USP6: variants seen among roughly 807,000 people sequenced by gnomAD.
USP6 encodes ubiquitin specific peptidase 6.
In USP6, 128 loss-of-function variants were observed where a neutral mutation model predicts 175.7. The ratio of observed to expected loss-of-function variants is 0.73; its 90% confidence interval spans 0.63 to 0.84. The LOEUF (loss-of-function observed/expected upper bound fraction) is 0.84. Ranked by LOEUF, USP6 falls within the 40% of genes least tolerant of loss-of-function variation. The pLI, the probability that USP6 is intolerant of heterozygous loss-of-function variation, is 0.00. For synonymous variants in USP6, 562 were observed against 630.6 expected, an observed-to-expected ratio of 0.89 and a Z score of 1.63; for missense variants, 1,498 against 1,760.3, an observed-to-expected ratio of 0.85 and a Z score of 2.67.
intron 15 of USP6, 108 bp downstream of exon 15, chr17:5,134,104 C>A: frequency 1.7e-6 from 2 of 1,207,826 alleles, no homozygotes; most frequent in Non-Finnish European, 2.4e-6. Context: ...GACAGAGCTG[C>A]CAAGAGCTCT....
chr17:5,133,405 C>T (rs1429773799), intron 13 of USP6, 38 bp from the exon 14 acceptor site: 5 of 1,574,452 alleles, frequency 3.2e-6, no homozygotes, highest in South Asian at 2.2e-5. Context: ...CTGGGGTCAC[C>T]CCATGGCCTG....
At chr17:5,152,073 C>T (rs1273924401) in intron 30 of USP6, among the ~76,000 whole-genome samples, 6 of 152,062 alleles carry the variant, frequency 3.9e-5, no homozygotes, top group Non-Finnish European at 8.8e-5. Flanking sequence ...GAAACTCCGT[C>T]TCTACTAAAA....
At chr17:5,129,424 A>T (rs970495586) in intron 8 of USP6, 3 of 152,390 alleles carry the variant, frequency 2.0e-5, no homozygotes, top group African/African-American at 7.2e-5. Context: ...CACTGGACAC[A>T]CACAGTCCCT....
In USP6 at chr17:5,137,760, C is replaced by T. The variant is rs747226549; in HGVS notation, c.925+10C>T. ...CTTAAGGTTCAGCAGAGTAAGTCTACGTGTGCCCAGTGGGGCCTGGGGAGC... is the reference window on the plus strand; with the variant it reads ...CTTAAGGTTCAGCAGAGTAAGTCTATGTGTGCCCAGTGGGGCCTGGGGAGC... On this transcript the variant is annotated intron_variant, in intron 20 of 37. Coordinates refer to ENST00000574788, the MANE Select transcript of USP6 (RefSeq NM_001304284.2). 171 of 1,606,350 alleles carry T rather than the reference C, an allele frequency of 1.1e-4. 1 individual carries two copies. The South Asian group carries it at 1.6e-3, about 15-fold the overall frequency.
Position 5,133,557 on chromosome 17 carries a change from T to C in USP6, c.384+7T>C. ...AAACCCCGGAAGATACCAGGTATGC[T>C]CAGCCAGAGCACAACAAACAGGACA... On this transcript the variant is annotated splice_region_variant and intron_variant, in intron 14 of 37. Coordinates refer to ENST00000574788, the MANE Select transcript of USP6 (RefSeq NM_001304284.2). 6.4e-7 allele frequency: 1 copy of C among 1,564,866 alleles called. No homozygotes were observed. Among genetic ancestry groups the C allele is most frequent in the Non-Finnish European group, 8.7e-7 (1 of 1,151,440 alleles).
At chr17:5,137,828 A>G in intron 20 of USP6, 78 bp downstream of exon 20, 1 of 1,594,646 alleles carries the variant, frequency 6.3e-7, no homozygotes, top group Non-Finnish European at 8.5e-7. Flanking sequence ...GCTTCCTCAC[A>G]CTGTCCTCAT....
At chr17:5,129,678 C>T (rs2072999382) in intron 8 of USP6, 1 of 152,958 alleles carries the variant, frequency 6.5e-6, no homozygotes, top group Admixed American at 6.5e-5. Flanking sequence ...TCATCAGTGA[C>T]CCAGGAAAAT....
chr17:5,174,639 G>A lies in USP6; in HGVS notation c.*1661G>A, dbSNP rs747390954. On this transcript the variant is annotated 3_prime_UTR_variant, in exon 38 of 38. Coordinates refer to ENST00000574788, the MANE Select transcript of USP6 (RefSeq NM_001304284.2). ...ACCTGGACATGTCCCATTAAAAAGT[G>A]GAAGATTTTAAATAATTTCTTTACA... is the stretch of plus-strand genomic sequence containing the variant. 148 of 196,464 alleles carry A rather than the reference G, an allele frequency of 7.5e-4. No homozygotes were observed. Among genetic ancestry groups the A allele is most frequent in the African/African-American group, 3.0e-3 (132 of 43,346 alleles). 12.2% of individuals were successfully genotyped at this position (196,464 alleles called of 1,614,324 possible).
At chr17:5,123,791 C>T (rs1366707418) in intron 4 of USP6, among the ~76,000 whole-genome samples, 1 of 152,180 alleles carries the variant, frequency 6.6e-6, no homozygotes, top group Non-Finnish European at 1.5e-5. Context: ...TCCACTGGCT[C>T]ACACCTGTAG....
chr17:5,142,260 A>C, intron 24 of USP6, 119 bp downstream of exon 24: 1 of 1,533,998 alleles, frequency 6.5e-7, no homozygotes, highest in Non-Finnish European at 8.8e-7. Flanking sequence ...TGCCCTATTT[A>C]ATATGAAATA....
intron 24 of USP6, 103 bp downstream of exon 24, chr17:5,142,244 C>T: frequency 6.5e-7 from 1 of 1,537,372 alleles, no homozygotes; most frequent in Non-Finnish European, 8.7e-7. Context: ...AAGATTTTAT[C>T]TTATTTGCCC....
chr17:5,140,767 AAC>A (rs1053270887), intron 22 of USP6, among the ~76,000 whole-genome samples: 25 of 152,142 alleles, frequency 1.6e-4, no homozygotes, highest in Non-Finnish European at 3.1e-4. Context: ...TGGTCCAGTA[AAC>A]ACACACCTGG....
At chr17:5,158,568 A>G (rs2073934101) in intron 31 of USP6, among the ~76,000 whole-genome samples, 1 of 144,084 alleles carries the variant, frequency 6.9e-6, no homozygotes, top group Non-Finnish European at 1.5e-5. Context: ...CTCTGTCTCA[A>G]AAGAGAGAGA....
chr17:5,131,000 C>T lies in USP6; in HGVS notation c.155+316C>T, dbSNP rs556195139. On this transcript the variant is annotated intron_variant, in intron 11 of 37. Coordinates refer to ENST00000574788, the MANE Select transcript of USP6 (RefSeq NM_001304284.2). Reference sequence around the variant, plus strand: ...AGCCTGAGGTTCTGGTCCTGTCTACCAGGAGACAACCCCAGTGAGATCCAA... The same window carrying T: ...AGCCTGAGGTTCTGGTCCTGTCTACTAGGAGACAACCCCAGTGAGATCCAA... 2.3e-3 allele frequency among the ~76,000 whole-genome samples: 346 copies of T among 152,332 alleles called. 1 individual carries two copies. Among genetic ancestry groups the T allele is most frequent in the African/African-American group, 8.0e-3 (333 of 41,572 alleles).
intron 33 of USP6, among the ~76,000 whole-genome samples, chr17:5,166,142 C>G (rs1466623317): frequency 6.6e-6 from 1 of 152,028 alleles, no homozygotes; most frequent in Non-Finnish European, 1.5e-5. Flanking sequence ...CGTGTTTTTT[C>G]CTTGAGTGAC....
intron 32 of USP6, among the ~76,000 whole-genome samples, chr17:5,162,293 A>G (rs987883669): frequency 2.0e-5 from 3 of 151,994 alleles, no homozygotes; most frequent in Admixed American, 6.5e-5. Flanking sequence ...CTGGGACTAC[A>G]GTTGCACACC....
chr17:5,145,590 A>G lies in USP6; in HGVS notation c.2167+11A>G. 1 of 1,558,100 alleles carries G rather than the reference A, an allele frequency of 6.4e-7. No individual in the cohort carries two copies. On this transcript the variant is annotated intron_variant, in intron 27 of 37. Coordinates refer to ENST00000574788, the MANE Select transcript of USP6 (RefSeq NM_001304284.2). ...ACTTAGAAATAACAGGTAGGTCACA[A>G]AGTTCTGAAAAATTACTTGATTCCA... is the stretch of plus-strand genomic sequence containing the variant.
chr17:5,132,128 C>A lies in USP6; in HGVS notation c.156-268C>A. On this transcript the variant is annotated intron_variant, in intron 11 of 37. Transcript: ENST00000574788. The surrounding 1 kb of genome is among the most constrained non-coding windows in gnomAD (Gnocchi z 4.7). Reference sequence around the variant, plus strand: ...AGCACCACCTCAAGTCCAGGATGGGCAGCCCCACTGTGGCCTGACCACCCC... The same window carrying A: ...AGCACCACCTCAAGTCCAGGATGGGAAGCCCCACTGTGGCCTGACCACCCC... The A allele has an allele frequency of 1.6e-6, 2 of 1,280,426 alleles. No homozygotes were observed. The highest frequency in any genetic ancestry group is 1.0e-6 in the Non-Finnish European group (1 of 952,456). 79.3% of individuals were successfully genotyped at this position (1,280,426 alleles called of 1,614,324 possible). A position where few individuals can be genotyped will look rare whatever the true frequency, so the allele number is the denominator to read the frequency against.
intron 33 of USP6, among the ~76,000 whole-genome samples, chr17:5,165,610 AAAG>A (rs1440344135): frequency 6.6e-6 from 1 of 152,068 alleles, no homozygotes; most frequent in Non-Finnish European, 1.5e-5. Context: ...CAAAAACAAA[AAAG>A]AAAAAAAAAT....
Sources: gnomAD v4.1 joint callset for allele counts (sites outside exome capture counted in the v4.1 genomes callset) on GRCh38, gnomAD v4.1.1 for gene constraint, Gnocchi (gnomAD v3.1) non-coding constraint, MANE v1.5 for transcripts, NCBI Gene and HGNC (gene_info 2026-07-23, HGNC 2026-07-21) for gene names.